Variants in ZC3H11A observed in about 807,000 individuals in gnomAD.
ZC3H11A encodes zinc finger CCCH domain-containing protein 11A.
ZC3H11A carries 22 observed loss-of-function variants against 90.8 expected under a neutral mutation model. The observed-to-expected ratio is 0.24, with a 90% CI of 0.17 to 0.35. The LOEUF (loss-of-function observed/expected upper bound fraction) is 0.35. Among genes scored for constraint, ZC3H11A ranks in the 10% least tolerant of loss-of-function variants. The pLI, the probability that ZC3H11A is intolerant of heterozygous loss-of-function variation, is 1.00. For synonymous variants in ZC3H11A, 294 were observed against 339.8 expected (o/e 0.87, Z 1.48); for missense variants, 701 against 964.9 (o/e 0.73, Z 3.62).
At position 203,829,471 on chromosome 1, in the gene ZC3H11A, G is replaced by C; in HGVS notation, c.319G>C (p.Glu107Gln). Reference sequence around the variant, plus strand: ...TTTAGCTGTGTTGCCCACTGTGCCTGAGTCACCAGAAGAGGAAGTGAAGGC... The same window carrying C: ...TTTAGCTGTGTTGCCCACTGTGCCTCAGTCACCAGAAGAGGAAGTGAAGGC... The part of the protein sequence containing the change: ...PSKTVLPTVP[E>Q]SPEEEVKASQ... Residue 107 changes from glutamate (E) to glutamine (Q), a missense_variant, in exon 6 of 18, where the codon GAG (glutamate) becomes CAG (glutamine). Physicochemically the swap from Glu to Gln is conservative, Grantham distance 29 (BLOSUM62 2). This residue lies in a region of ZC3H11A where 530 missense variants were observed against 696.2 expected (regional missense o/e 0.76). Transcript: ENST00000367210. 1 of 1,613,976 alleles carries C rather than the reference G, an allele frequency of 6.2e-7. No homozygotes were observed. The highest frequency in any genetic ancestry group is 8.5e-7 in the Non-Finnish European group (1 of 1,179,868).
intron 2 of ZC3H11A, among the ~76,000 whole-genome samples, chr1:203,805,063 A>G (rs1245596707): frequency 2.0e-5 from 3 of 152,088 alleles, no homozygotes; most frequent in Non-Finnish European, 4.4e-5. Context: ...ATCAAATATC[A>G]AGAAATATTC....
intron 9 of ZC3H11A, among the ~76,000 whole-genome samples, 196 bp downstream of exon 9, chr1:203,831,967 C>T (rs1220059040): frequency 1.3e-5 from 2 of 152,176 alleles, no homozygotes; most frequent in African/African-American, 2.4e-5. Context: ...AAGCAGCCCT[C>T]ACATATATTT....
intron 8 of ZC3H11A, among the ~76,000 whole-genome samples, chr1:203,831,331 T>C (rs1003398629): frequency 1.3e-5 from 2 of 152,184 alleles, no homozygotes; most frequent in Non-Finnish European, 2.9e-5. Context: ...ATAGGTTGGA[T>C]TGATACACCT....
intron 12 of ZC3H11A, among the ~76,000 whole-genome samples, chr1:203,845,123 C>T (rs1687536406): frequency 6.6e-6 from 1 of 152,158 alleles, no homozygotes; most frequent in Non-Finnish European, 1.5e-5. Flanking sequence ...ATGGTTTTAA[C>T]TATTATTTTT....
At chr1:203,805,811 C>T (rs899476962) in intron 2 of ZC3H11A, 39 of 821,630 alleles carry the variant, frequency 4.7e-5, no homozygotes, top group Admixed American at 8.9e-5. Flanking sequence ...AATTCTGGGC[C>T]GCCATAACTG....
chr1:203,822,422 CT>C (rs1679083728), intron 4 of ZC3H11A, among the ~76,000 whole-genome samples: 2 of 152,062 alleles, frequency 1.3e-5, no homozygotes, highest in Admixed American at 1.3e-4. Context: ...CAACATCCTA[CT>C]TTTGACCCCC....
Position 203,853,477 on chromosome 1 carries a change from C to T in ZC3H11A, c.*1078C>T, listed in dbSNP as rs936071348. 2 of 152,476 alleles carry T rather than the reference C, an allele frequency of 1.3e-5. No individual in the cohort carries two copies. The highest frequency in any genetic ancestry group is 2.9e-5 in the Non-Finnish European group (2 of 68,038). 9.4% of individuals were successfully genotyped at this position (152,476 alleles called of 1,614,324 possible). A position where few individuals can be genotyped will look rare whatever the true frequency, so the allele number is the denominator to read the frequency against. On this transcript the variant is annotated 3_prime_UTR_variant, in exon 18 of 18. Coordinates refer to ENST00000367210, the MANE Select transcript of ZC3H11A (RefSeq NM_001376342.1). ...TTCTTTTCTTGATGTTGGTTTCCTT[C>T]ATATCACCTCAAGGTTTAGATTTGT...
At chr1:203,840,427 C>T (rs973524063) in intron 12 of ZC3H11A, 53 bp downstream of exon 12, 1 of 1,551,526 alleles carries the variant, frequency 6.4e-7, no homozygotes, top group Non-Finnish European at 8.8e-7. Flanking sequence ...GCTGTAAGAG[C>T]CTTTGCTTTT....
chr1:203,815,216 CTT>C (rs59254922), intron 2 of ZC3H11A, among the ~76,000 whole-genome samples: 2 of 97,152 alleles, frequency 2.1e-5, no homozygotes, highest in African/African-American at 7.8e-5. Context: ...CTTTTCTTTT[CTT>C]TTTTTTTTTT....
At chr1:203,851,220 CAAAT>C (rs1689174043) in intron 17 of ZC3H11A, 96 bp downstream of exon 17, 1 of 1,102,614 alleles carries the variant, frequency 9.1e-7, no homozygotes, top group Non-Finnish European at 1.3e-6. Flanking sequence ...TAGCAACATT[CAAAT>C]AAATCTGTTG....
chr1:203,796,072 C>T (rs12740899), intron 1 of ZC3H11A: 1 of 144,450 alleles, frequency 6.9e-6, no homozygotes, highest in Non-Finnish European at 1.5e-5. Flanking sequence ...TGCTCCTTTC[C>T]CAGCCAACCT....
chr1:203,818,168 GCA>G (rs992460874), intron 3 of ZC3H11A, among the ~76,000 whole-genome samples: 3 of 152,086 alleles, frequency 2.0e-5, no homozygotes, highest in Non-Finnish European at 4.4e-5. Flanking sequence ...ATGCAGTGGA[GCA>G]CAGTTATATT....
chr1:203,850,053 T>C, intron 15 of ZC3H11A, 27 bp downstream of exon 15: 1 of 1,596,128 alleles, frequency 6.3e-7, no homozygotes, highest in Non-Finnish European at 8.5e-7. Context: ...TGTGTATTGC[T>C]TTAGGTTATC....
rs772987481 is a variant in ZC3H11A, at chr1:203,849,831, C to T, written c.1744C>T (p.Arg582Trp). ...EREKSVLTPL[R>W]GDVASCNTQV... ...GGAAAAATCAGTCTTGACACCTCTT[C>T]GGGGAGATGTAGCCTCTTGCAATAC... The change falls in exon 15 of 18, where the codon CGG becomes TGG. Residue 582 changes from arginine (R) to tryptophan (W), a missense_variant. Physicochemically the swap from Arg to Trp is moderately radical, Grantham distance 101. This residue lies in a region of ZC3H11A where 530 missense variants were observed against 696.2 expected (regional missense o/e 0.76). Coordinates refer to ENST00000367210, the MANE Select transcript of ZC3H11A (RefSeq NM_001376342.1). 2.2e-5 allele frequency: 35 copies of T among 1,613,842 alleles called. No homozygotes were observed. The highest frequency in any genetic ancestry group is 1.6e-4 in the Middle Eastern group (1 of 6,080).
chr1:203,807,281 T>A (rs533844758), intron 2 of ZC3H11A, among the ~76,000 whole-genome samples: 1 of 152,310 alleles, frequency 6.6e-6, no homozygotes, highest in African/African-American at 2.4e-5. Flanking sequence ...TAAACATTTT[T>A]AAAATTTTTA....
chr1:203,818,493 C>T, intron 3 of ZC3H11A, 77 bp from the exon 4 acceptor site: 3 of 1,588,028 alleles, frequency 1.9e-6, no homozygotes, highest in South Asian at 2.2e-5. Context: ...GTCTAAATTC[C>T]AGGAGCTCTT....
intron 1 of ZC3H11A, chr1:203,799,905 C>T (rs1242022227): frequency 1.3e-6 from 2 of 1,535,934 alleles, no homozygotes; most frequent in African/African-American, 2.7e-5. Flanking sequence ...TAAGCAGTTC[C>T]TTGCAGAAGA....
intron 12 of ZC3H11A, among the ~76,000 whole-genome samples, chr1:203,840,721 C>T (rs972940666): frequency 1.3e-5 from 2 of 152,012 alleles, no homozygotes; most frequent in Non-Finnish European, 2.9e-5. Context: ...GCAACCTCCA[C>T]CTCCTGGGTT....
At chr1:203,800,056 G>A (rs749876751) in intron 1 of ZC3H11A, 5 of 1,536,072 alleles carry the variant, frequency 3.3e-6, no homozygotes, top group Non-Finnish European at 4.4e-6. Context: ...TCTGTTGATA[G>A]CTCAGCTGTA....
Sources: allele counts gnomAD v4.1 joint callset (sites outside exome capture counted in the v4.1 genomes callset), GRCh38; gene constraint gnomAD v4.1.1; regional missense constraint gnomAD v4.1.1; transcripts MANE v1.5; gene names NCBI Gene and HGNC (gene_info 2026-07-23, HGNC 2026-07-21).